Variants in TNFAIP6 observed in about 807,000 individuals in gnomAD.
TNFAIP6 encodes TNF alpha induced protein 6, also known as tumor necrosis factor-inducible gene 6 protein.
In TNFAIP6, 36 loss-of-function variants were observed where a neutral mutation model predicts 33.7. The ratio of observed to expected loss-of-function variants is 1.07; its 90% CI spans 0.82 to 1.41. The LOEUF is 1.41. TNFAIP6 is among the 40% of genes most tolerant of loss of function. The pLI, the probability that TNFAIP6 is intolerant of heterozygous loss-of-function variation, is 0.00. For synonymous variants in TNFAIP6, 113 were observed against 112.8 expected (o/e 1.00, Z -0.01); for missense variants, 273 against 331.9 (o/e 0.82, Z 1.38).
chr2:151,378,299 T>G (rs1684953742), intron 5 of TNFAIP6, among the ~76,000 whole-genome samples: 1 of 152,108 alleles, frequency 6.6e-6, no homozygotes, highest in Non-Finnish European at 1.5e-5. Flanking sequence ...TTTAGCACAT[T>G]TTGGTCTTTA....
chr2:151,373,744 CAAA>C (rs35356355), intron 5 of TNFAIP6, 155 bp downstream of exon 5: 113 of 243,464 alleles, frequency 4.6e-4, no homozygotes, highest in East Asian at 5.8e-4. Context: ...TTGTAAAATG[CAAA>C]AAAAAAAAAA....
chr2:151,371,619 G>T (rs1279976678), intron 4 of TNFAIP6, among the ~76,000 whole-genome samples: 1 of 146,966 alleles, frequency 6.8e-6, no homozygotes, highest in South Asian at 2.1e-4. Flanking sequence ...TTTTTGAGAC[G>T]GAGTCTCACT....
chr2:151,377,493 G>A (rs1355807893), intron 5 of TNFAIP6, among the ~76,000 whole-genome samples: 1 of 151,518 alleles, frequency 6.6e-6, no homozygotes, highest in African/African-American at 2.4e-5. Flanking sequence ...TTGTTTGTTT[G>A]TTTGTTTGTT....
chr2:151,365,397 G>A (rs1003198132), intron 2 of TNFAIP6, among the ~76,000 whole-genome samples: 31 of 152,056 alleles, frequency 2.0e-4, no homozygotes, highest in African/African-American at 7.2e-4. Flanking sequence ...CTAGCACTTC[G>A]GAAGGGTGAG....
intron 2 of TNFAIP6, among the ~76,000 whole-genome samples, chr2:151,365,762 G>C (rs944013416): frequency 6.6e-6 from 1 of 151,950 alleles, no homozygotes; most frequent in Admixed American, 6.6e-5. Context: ...CATTCCATAC[G>C]TCATTTGTGA....
chr2:151,374,001 T>A (rs1684857676), intron 5 of TNFAIP6, among the ~76,000 whole-genome samples: 1 of 152,228 alleles, frequency 6.6e-6, no homozygotes, highest in Non-Finnish European at 1.5e-5. Context: ...TACATTTTTA[T>A]CTTAGTACAA....
In TNFAIP6 at chr2:151,373,585, T is replaced by G. The variant is rs1684851469; in HGVS notation, c.660T>G (p.Ser220Arg). Reference sequence around the variant, plus strand: ...ATGAGCTTCCAGATGACATCATCAGTACAGGTAAGGTTTTAAATTGAGGAC... The same window carrying G: ...ATGAGCTTCCAGATGACATCATCAGGACAGGTAAGGTTTTAAATTGAGGAC... ...CGDELPDDII[S>R]TGNVMTLKFL... Residue 220 changes from serine (S) to arginine (R), a missense_variant, in exon 5 of 6, where the codon AGT becomes AGG. Coordinates refer to ENST00000243347, the MANE Select transcript of TNFAIP6 (RefSeq NM_007115.4). 1 of 1,543,914 alleles carries G rather than the reference T, an allele frequency of 6.5e-7. No homozygotes were observed.
At chr2:151,367,793 T>C (rs1160360253) in intron 3 of TNFAIP6, among the ~76,000 whole-genome samples, 1 of 152,024 alleles carries the variant, frequency 6.6e-6, no homozygotes, top group Admixed American at 6.6e-5. Context: ...TGTGGTTAAC[T>C]TGAAGGAGAC....
intron 5 of TNFAIP6, among the ~76,000 whole-genome samples, chr2:151,379,047 C>T (rs565421176): frequency 1.3e-5 from 2 of 152,134 alleles, no homozygotes; most frequent in South Asian, 4.2e-4. Context: ...TTGCGGTGAG[C>T]CGAGATCGCG....
intron 1 of TNFAIP6, among the ~76,000 whole-genome samples, chr2:151,363,217 G>A (rs2152012823): frequency 6.6e-6 from 1 of 152,274 alleles, no homozygotes; most frequent in East Asian, 1.9e-4. Context: ...TCGGAAGGCT[G>A]AGGCAGGAGA....
At chr2:151,361,527 T>TG (rs756109968) in intron 1 of TNFAIP6, among the ~76,000 whole-genome samples, 41 of 152,324 alleles carry the variant, frequency 2.7e-4, no homozygotes, top group Admixed American at 6.5e-4. Flanking sequence ...TCTTAGGAAA[T>TG]ATAATTTTTA....
At chr2:151,361,347 A>G (rs750416735) in intron 1 of TNFAIP6, among the ~76,000 whole-genome samples, 19 of 152,190 alleles carry the variant, frequency 1.2e-4, no homozygotes, top group Non-Finnish European at 1.5e-5. Context: ...AAGTGCTGGA[A>G]TTATAGGCAT....
chr2:151,370,005 T>C lies in TNFAIP6; in HGVS notation c.395-15T>C. On this transcript the variant is annotated splice_polypyrimidine_tract_variant and intron_variant, in intron 3 of 5. Transcript: ENST00000243347. ...ATGCTTTGGGGTTTTTACGTTTTTT[T>C]TCTTCTCATTTCAGCAAAGGAGTGT... is the stretch of plus-strand genomic sequence containing the variant. The C allele has an allele frequency of 6.3e-7, 1 of 1,578,526 alleles. No homozygotes were observed. The highest frequency in any genetic ancestry group is 8.6e-7 in the Non-Finnish European group (1 of 1,162,092).
chr2:151,370,593 A>G (rs2152016464), intron 4 of TNFAIP6, among the ~76,000 whole-genome samples: 1 of 152,248 alleles, frequency 6.6e-6, no homozygotes, highest in Admixed American at 6.5e-5. Flanking sequence ...TAAACACCTC[A>G]AGATCTGACT....
chr2:151,378,785 A>C (rs924552343), intron 5 of TNFAIP6, among the ~76,000 whole-genome samples: 9 of 149,584 alleles, frequency 6.0e-5, no homozygotes, highest in African/African-American at 2.0e-4. Context: ...CACCAGGCCC[A>C]GCCCAAGAGT....
At chr2:151,359,394 T>TA (rs1684586124) in intron 1 of TNFAIP6, among the ~76,000 whole-genome samples, 1 of 150,202 alleles carries the variant, frequency 6.7e-6, no homozygotes, top group Non-Finnish European at 1.5e-5. Flanking sequence ...TAATTTTTTT[T>TA]TTTTTTTTTT....
chr2:151,367,105 G>A (rs1230887081), intron 3 of TNFAIP6, among the ~76,000 whole-genome samples: 1 of 152,010 alleles, frequency 6.6e-6, no homozygotes, highest in African/African-American at 2.4e-5. Flanking sequence ...ACATAGTGAG[G>A]TTTTAGTGTA....
At chr2:151,381,144 T>C (rs1415436315), downstream of TNFAIP6, among the ~76,000 whole-genome samples, 1 of 152,006 alleles carries the variant, frequency 6.6e-6, no homozygotes, top group African/African-American at 2.4e-5. Flanking sequence ...TCTTCCCTCT[T>C]GCCCCAAGTC....
rs1199813974 is a variant in TNFAIP6 at position 151,373,692 on chromosome 2, T to A, written c.664+103T>A. On this transcript the variant is annotated intron_variant, in intron 5 of 5. Transcript: ENST00000243347. Reference sequence around the variant, plus strand: ...TAGTAAATAGTAGTTATTATTCACTTTTTAAAGTTGAAAGAACCAACACCA... The same window carrying A: ...TAGTAAATAGTAGTTATTATTCACTATTTAAAGTTGAAAGAACCAACACCA... The A allele has an allele frequency of 2.5e-5, 15 of 605,702 alleles. No individual in the cohort carries two copies. In the Admixed American group the frequency reaches 4.1e-4, roughly 16 times the overall value. The allele number at this position is 605,702 out of a possible 1,614,324, so 37.5% of individuals were successfully genotyped here. A position where few individuals can be genotyped will look rare whatever the true frequency, so the allele number is the denominator to read the frequency against.
Sources: allele counts gnomAD v4.1 joint callset (sites outside exome capture counted in the v4.1 genomes callset), GRCh38; gene constraint gnomAD v4.1.1; transcripts MANE v1.5; gene names NCBI Gene and HGNC (gene_info 2026-07-23, HGNC 2026-07-21).